Variants in TTC12 observed in about 807,000 individuals in gnomAD.
The protein encoded by TTC12 is tetratricopeptide repeat domain 12, also known as tetratricopeptide repeat protein 12.
In TTC12, 70 loss-of-function variants were observed where a neutral mutation model predicts 90.1. The observed-to-expected ratio is 0.78, with a 90% CI of 0.64 to 0.95. The LOEUF is 0.95. Among genes scored for constraint, TTC12 ranks in the 40% least tolerant of loss-of-function variants. The pLI is 0.00. For missense variants in TTC12, 819 were observed against 846.1 expected, an observed-to-expected ratio of 0.97 and a Z score of 0.40; for synonymous variants, 296 against 311.5, an observed-to-expected ratio of 0.95 and a Z score of 0.53.
intron 21 of TTC12, among the ~76,000 whole-genome samples, chr11:113,372,483 CGT>C (rs1166761570): frequency 2.0e-5 from 3 of 152,104 alleles, no homozygotes; most frequent in African/African-American, 7.2e-5. Flanking sequence ...TACGTGCATG[CGT>C]GTCTGTAGGG....
At chr11:113,327,347 A>C (rs1429049426) in intron 6 of TTC12, among the ~76,000 whole-genome samples, 1 of 152,208 alleles carries the variant, frequency 6.6e-6, no homozygotes, top group Non-Finnish European at 1.5e-5. Flanking sequence ...TGGTGTTACA[A>C]ACCGTTTGAA....
In TTC12 at chr11:113,323,350, A is replaced by G. The variant is rs1565572431; in HGVS notation, c.121A>G (p.Thr41Ala). ...TGTGCAACAGAAAGCTGTCCTGGAG[A>G]CAGAAAAGAGACTACTGCTTATGGA... The part of the protein sequence containing the change: ...PVVQQKAVLE[T>A]EKRLLLMEED... Residue 41 changes from threonine to alanine, a missense_variant, in exon 3 of 22, where the codon ACA becomes GCA. Thr to Ala is a moderately conservative substitution (Grantham distance 58). Transcript: ENST00000529221. 1 of 1,613,150 alleles carries G rather than the reference A, an allele frequency of 6.2e-7. No individual in the cohort carries two copies. Among genetic ancestry groups the G allele is most frequent in the Non-Finnish European group, 8.5e-7 (1 of 1,179,720 alleles).
rs1947580897 is a variant in TTC12 at position 113,324,752 on chromosome 11, T to C, written c.322+70T>C. On this transcript the variant is annotated intron_variant, in intron 5 of 21. Coordinates refer to ENST00000529221, the MANE Select transcript of TTC12 (RefSeq NM_017868.4). ...TAGAAAGAGCACACGAAGGCCTGTATGCTGACATTTGAGGACATCTAGATT... is the reference window on the plus strand; with the variant it reads ...TAGAAAGAGCACACGAAGGCCTGTACGCTGACATTTGAGGACATCTAGATT... 2.2e-6 allele frequency: 3 copies of C among 1,376,592 alleles called. No homozygotes were observed. The South Asian group carries it at 3.7e-5, about 17-fold the overall frequency. The allele number at this position is 1,376,592 out of a possible 1,614,324, so 85.3% of individuals were successfully genotyped here.
In TTC12 at chr11:113,362,307, A is replaced by G; in HGVS notation, c.1615-94A>G. On this transcript the variant is annotated intron_variant, in intron 18 of 21. Transcript: ENST00000529221. ...TTTATATTTTGCTTCCAATATAATGATTGCTTTTGCCTCACCAAACTCCCC... is the reference window on the plus strand; with the variant it reads ...TTTATATTTTGCTTCCAATATAATGGTTGCTTTTGCCTCACCAAACTCCCC... The G allele has an allele frequency of 7.2e-6, 6 of 835,778 alleles. No homozygotes were observed. In the South Asian group the frequency reaches 9.2e-5, roughly 13 times the overall value. 51.8% of individuals were successfully genotyped at this position (835,778 alleles called of 1,614,324 possible).
intron 13 of TTC12, 119 bp downstream of exon 13, chr11:113,344,559 A>G: frequency 9.3e-7 from 1 of 1,080,252 alleles, no homozygotes. Context: ...TAACAGAAAG[A>G]GCCTTTGACA....
At chr11:113,316,597 C>T (rs782145681) in intron 2 of TTC12, among the ~76,000 whole-genome samples, 1 of 152,232 alleles carries the variant, frequency 6.6e-6, no homozygotes, top group Non-Finnish European at 1.5e-5. Context: ...TCAAAACCAG[C>T]TGCTGTTTCC....
intron 6 of TTC12, among the ~76,000 whole-genome samples, chr11:113,329,128 T>A (rs1947871833): frequency 6.6e-6 from 1 of 152,248 alleles, no homozygotes; most frequent in African/African-American, 2.4e-5. Context: ...ATATTTATAT[T>A]CTTCTTTGGT....
chr11:113,329,032 C>T (rs552048004), intron 6 of TTC12, among the ~76,000 whole-genome samples: 4 of 152,308 alleles, frequency 2.6e-5, no homozygotes, highest in Admixed American at 6.5e-5. Context: ...ATCCCTTCAT[C>T]ACTGATGGAC....
intron 16 of TTC12, among the ~76,000 whole-genome samples, chr11:113,353,707 T>G (rs566855533): frequency 1.3e-5 from 2 of 152,358 alleles, no homozygotes; most frequent in South Asian, 4.1e-4. Context: ...CAGCATCATT[T>G]ATTGAATAGG....
chr11:113,348,728 C>T (rs1381507615), intron 13 of TTC12, among the ~76,000 whole-genome samples: 1 of 152,250 alleles, frequency 6.6e-6, no homozygotes, highest in Non-Finnish European at 1.5e-5. Flanking sequence ...AGCTTCCTCC[C>T]ACTCAGAGTA....
At chr11:113,329,147 AG>A (rs1555141913) in intron 6 of TTC12, among the ~76,000 whole-genome samples, 4 of 152,252 alleles carry the variant, frequency 2.6e-5, no homozygotes. Context: ...GTATATACCT[AG>A]GAGTAAAATT....
intron 20 of TTC12, chr11:113,364,490 TG>T: frequency 6.3e-6 from 2 of 319,350 alleles, no homozygotes; most frequent in Non-Finnish European, 1.2e-5. Context: ...TGCCTCCACC[TG>T]GGGGCTGTCA....
intron 6 of TTC12, among the ~76,000 whole-genome samples, chr11:113,328,111 C>G (rs1947805870): frequency 6.6e-6 from 1 of 152,126 alleles, no homozygotes; most frequent in Non-Finnish European, 1.5e-5. Flanking sequence ...CATGGACAAT[C>G]CTATGTGTAG....
chr11:113,344,222 TTAATTGCCATGATGGCATGC>T, intron 12 of TTC12, 30 bp from the exon 13 acceptor site: 1 of 1,563,984 alleles, frequency 6.4e-7, no homozygotes, highest in East Asian at 2.3e-5. Context: ...CAGAGCTAGT[TTAATTGCCATGATGGCATGC>T]ACAAGACACA....
chr11:113,363,490 G>A (rs1015068306), intron 19 of TTC12, among the ~76,000 whole-genome samples: 1 of 152,206 alleles, frequency 6.6e-6, no homozygotes, highest in African/African-American at 2.4e-5. Context: ...AAATGACATG[G>A]GAGGGCCTTT....
intron 18 of TTC12, among the ~76,000 whole-genome samples, chr11:113,361,427 A>G (rs761438753): frequency 1.3e-5 from 2 of 152,204 alleles, no homozygotes; most frequent in Non-Finnish European, 2.9e-5. Context: ...GGGCTGAGGA[A>G]ACCTTTGTAT....
intron 8 of TTC12, among the ~76,000 whole-genome samples, chr11:113,337,953 C>A (rs781985659): frequency 6.6e-6 from 1 of 152,156 alleles, no homozygotes; most frequent in African/African-American, 2.4e-5. Context: ...GATATATAGA[C>A]TTCTGTTCCT....
intron 6 of TTC12, among the ~76,000 whole-genome samples, chr11:113,326,233 G>C (rs536862600): frequency 6.6e-6 from 1 of 152,266 alleles, no homozygotes; most frequent in Admixed American, 6.5e-5. Context: ...GGAACACCAG[G>C]TAAAAACCAC....
chr11:113,330,931 C>A (rs1309352377), intron 7 of TTC12, among the ~76,000 whole-genome samples: 3 of 152,142 alleles, frequency 2.0e-5, no homozygotes, highest in Non-Finnish European at 4.4e-5. Context: ...GGCTTCAATT[C>A]TTGGGTACAG....
Sources: gnomAD v4.1 joint callset for allele counts (sites outside exome capture counted in the v4.1 genomes callset) on GRCh38, gnomAD v4.1.1 for gene constraint, MANE v1.5 for transcripts, NCBI Gene and HGNC (gene_info 2026-07-23, HGNC 2026-07-21) for gene names.